CCDC18: variants seen among roughly 807,000 people sequenced by gnomAD.
CCDC18 encodes coiled-coil domain containing 18.
A neutral mutation model predicts 196.0 loss-of-function variants in CCDC18; 157 were observed. The observed-to-expected ratio is 0.80, with a 90% CI of 0.70 to 0.91. CCDC18 has a LOEUF of 0.91. Among genes scored for constraint, CCDC18 ranks in the 40% least tolerant of loss-of-function variants. The pLI is 0.00. For missense variants in CCDC18, 1,465 were observed against 1,611.6 expected, an observed-to-expected ratio of 0.91 and a Z score of 1.56; for synonymous variants, 482 against 529.2, an observed-to-expected ratio of 0.91 and a Z score of 1.22.
At chr1:93,254,016 C>G (rs770392506) in intron 23 of CCDC18, among the ~76,000 whole-genome samples, 4 of 152,030 alleles carry the variant, frequency 2.6e-5, no homozygotes, top group Admixed American at 6.6e-5. Flanking sequence ...TTATTTACCT[C>G]TAAGTATTGT....
intron 11 of CCDC18, among the ~76,000 whole-genome samples, chr1:93,212,748 G>C (rs953752910): frequency 2.0e-5 from 3 of 152,152 alleles, no homozygotes; most frequent in African/African-American, 7.2e-5. Context: ...TTGGCACCAG[G>C]GACTGGTTTT....
chr1:93,241,183 G>C (rs1461624751), intron 21 of CCDC18, among the ~76,000 whole-genome samples: 1 of 151,400 alleles, frequency 6.6e-6, no homozygotes, highest in African/African-American at 2.4e-5. Context: ...TTGAACTCCT[G>C]ACCTCAGGTG....
upstream of CCDC18, chr1:93,180,452 C>G: frequency 7.2e-7 from 1 of 1,390,126 alleles, no homozygotes; most frequent in Non-Finnish European, 9.8e-7. Flanking sequence ...CAGTCCTATT[C>G]CGCAACCGCC....
chr1:93,210,375 C>G (rs1467395428), intron 9 of CCDC18, among the ~76,000 whole-genome samples: 2 of 152,126 alleles, frequency 1.3e-5, no homozygotes, highest in Non-Finnish European at 2.9e-5. Context: ...ACAGGTAAAT[C>G]TTCTTTGTGT....
In CCDC18 at chr1:93,226,313, T is replaced by TTTCTTTTTTTTC; in HGVS notation, c.2176-19_2176-18insTCTTTTTTTTCT. ...ATCGTTTTGTGTTTTTTTTTTTTTT[T>TTTCTTTTTTTTC]TGCTTTTTTTCCTGCTTAGGTTAGG... On this transcript the variant is annotated intron_variant, in intron 16 of 28. Coordinates refer to ENST00000690025, the MANE Select transcript of CCDC18 (RefSeq NM_001378204.1). The TTTCTTTTTTTTC allele has an allele frequency of 3.2e-6, 3 of 934,360 alleles. No homozygotes were observed. Among genetic ancestry groups the TTTCTTTTTTTTC allele is most frequent in the South Asian group, 3.8e-5 (2 of 52,420 alleles). The allele number at this position is 934,360 out of a possible 1,614,324, so 57.9% of individuals were successfully genotyped here.
In CCDC18 at chr1:93,209,215, C is replaced by T. The variant is rs146392972; in HGVS notation, c.1210-1587C>T. The stretch of plus-strand genomic sequence containing the variant: ...TCAGGTGATCTGCCTGCCTTAGCCT[C>T]CCGAAATGCTGGGATTACAGGCATG... On this transcript the variant is annotated intron_variant, in intron 9 of 28. Transcript: ENST00000690025. 3.7e-3 allele frequency among the ~76,000 whole-genome samples: 566 copies of T among 152,334 alleles called. 2 individuals carry two copies. Among genetic ancestry groups the T allele is most frequent in the African/African-American group, 0.012 (507 of 41,572 alleles).
chr1:93,209,424 A>G (rs1402744414), intron 9 of CCDC18, among the ~76,000 whole-genome samples: 2 of 152,246 alleles, frequency 1.3e-5, no homozygotes, highest in Non-Finnish European at 2.9e-5. Flanking sequence ...TAAATATATT[A>G]TGGTTGGTTT....
chr1:93,261,392 C>T (rs781455534), intron 26 of CCDC18, among the ~76,000 whole-genome samples: 3 of 152,006 alleles, frequency 2.0e-5, no homozygotes, highest in Non-Finnish European at 2.9e-5. Flanking sequence ...CAATTTATTT[C>T]ATCCATAAAT....
At chr1:93,268,990 G>A (rs184418033) in intron 27 of CCDC18, among the ~76,000 whole-genome samples, 2,759 of 151,922 alleles carry the variant, frequency 0.018, 87 homozygotes, top group African/African-American at 0.063. Context: ...TGTTTATTGC[G>A]GCACTATTCA....
In CCDC18 at chr1:93,221,700, A is replaced by T. The variant is rs1037810780; in HGVS notation, c.2054A>T (p.His685Leu). Residue 685 changes from histidine to leucine, a missense_variant, in exon 15 of 29, where the codon CAT becomes CTT. Coordinates refer to ENST00000690025, the MANE Select transcript of CCDC18 (RefSeq NM_001378204.1). ...MLQQDIICKQ[H>L]HLESLDRLLT... is the part of the protein sequence containing the mutation. ...CAACAAGATATAATATGCAAACAAC[A>T]TCATCTTGAATCACTAGATAGACTC... The T allele has an allele frequency of 6.3e-7, 1 of 1,596,704 alleles. No individual in the cohort carries two copies. The highest frequency in any genetic ancestry group is 8.5e-7 in the Non-Finnish European group (1 of 1,175,076).
chr1:93,244,272 A>T (rs1661207029), intron 21 of CCDC18, among the ~76,000 whole-genome samples: 2 of 152,174 alleles, frequency 1.3e-5, no homozygotes, highest in Admixed American at 1.3e-4. Flanking sequence ...ACCTGCCCCC[A>T]TGATTCAATT....
Position 93,184,141 on chromosome 1 carries a change from G to A in CCDC18, c.298G>A (p.Asp100Asn). ...SSTDFQKKPR[D>N]KMFSSSAPVD... ...CACTGATTTTCAAAAAAAGCCAAGA[G>A]ATAAGGTTATTGTTTTTAGACCTAT... The change falls in exon 3 of 29, where the codon GAT becomes AAT. Residue 100 changes from aspartate (D) to asparagine (N), a missense_variant. Transcript: ENST00000690025. 2 of 1,506,314 alleles carry A rather than the reference G, an allele frequency of 1.3e-6. No individual in the cohort carries two copies. Among genetic ancestry groups the A allele is most frequent in the Non-Finnish European group, 1.8e-6 (2 of 1,118,736 alleles). 93.3% of individuals were successfully genotyped at this position (1,506,314 alleles called of 1,614,324 possible).
chr1:93,219,153 C>G (rs1391211376), intron 14 of CCDC18, among the ~76,000 whole-genome samples: 1 of 152,158 alleles, frequency 6.6e-6, no homozygotes, highest in Non-Finnish European at 1.5e-5. Flanking sequence ...CTGTTAATGC[C>G]TTCCACCTAC....
intron 26 of CCDC18, among the ~76,000 whole-genome samples, chr1:93,264,106 G>A (rs1664177856): frequency 1.8e-5 from 2 of 110,100 alleles, no homozygotes; most frequent in African/African-American, 1.4e-4. Flanking sequence ...ACATGGTGGT[G>A]GGAGACAAGA....
chr1:93,252,216 T>A (rs523262), intron 23 of CCDC18, among the ~76,000 whole-genome samples: 43,561 of 151,934 alleles, frequency 0.29, 9,442 homozygotes, highest in African/African-American at 0.61. Context: ...TAAAAAAAAA[T>A]TTATTTTAAG....
intron 8 of CCDC18, 59 bp from the exon 9 acceptor site, chr1:93,207,046 AAT>A (rs1654823247): frequency 1.1e-6 from 1 of 919,514 alleles, no homozygotes; most frequent in Non-Finnish European, 1.6e-6. Flanking sequence ...AGATTAAATA[AAT>A]ATGATTAAAA....
Position 93,205,606 on chromosome 1 carries a change from C to T in CCDC18, c.892C>T (p.Leu298Phe), listed in dbSNP as rs1457942469. ...QERCGLYKSELEILKEKLRQL... is the reference protein window; with the variant it reads ...QERCGLYKSEFEILKEKLRQL... ...AAGGTGTGGTCTATATAAAAGTGAA[C>T]TTGAAATTCTGAAAGAGAAATTAAG... Residue 298 changes from leucine (L) to phenylalanine (F), a missense_variant, in exon 8 of 29, where the codon CTT becomes TTT. Leu to Phe is a conservative substitution (Grantham distance 22). Transcript: ENST00000690025. The T allele has an allele frequency of 6.3e-7, 1 of 1,592,868 alleles. No individual in the cohort carries two copies. Among genetic ancestry groups the T allele is most frequent in the Non-Finnish European group, 8.5e-7 (1 of 1,171,546 alleles).
intron 23 of CCDC18, among the ~76,000 whole-genome samples, chr1:93,253,923 C>G (rs545087948): frequency 8.2e-4 from 125 of 152,278 alleles, no homozygotes; most frequent in South Asian, 1.5e-3. Flanking sequence ...TACCTGAATC[C>G]TGAGGCTCCT....
chr1:93,213,782 A>G (rs1656059602), intron 11 of CCDC18, among the ~76,000 whole-genome samples: 1 of 152,218 alleles, frequency 6.6e-6, no homozygotes, highest in Non-Finnish European at 1.5e-5. Context: ...TGAATGTTCC[A>G]AGTTGAGAAT....
Sources: gnomAD v4.1 joint callset for allele counts (sites outside exome capture counted in the v4.1 genomes callset) on GRCh38, gnomAD v4.1.1 for gene constraint, MANE v1.5 for transcripts, NCBI Gene and HGNC (gene_info 2026-07-23, HGNC 2026-07-21) for gene names.